TDRD7: variants seen among roughly 807,000 people sequenced by gnomAD.
The protein encoded by TDRD7 is tudor domain-containing protein 7.
TDRD7 carries 47 observed loss-of-function variants against 109.8 expected under a neutral mutation model. The ratio of observed to expected loss-of-function variants is 0.43; its 90% CI spans 0.34 to 0.55. The LOEUF is 0.55. Among genes scored for constraint, TDRD7 ranks in the 20% least tolerant of loss-of-function variants. The probability of loss-of-function intolerance (pLI) is 0.03; values close to 1 mark genes in which losing one functional copy is unlikely to be tolerated. For synonymous variants in TDRD7, 424 were observed against 457.3 expected (o/e 0.93, Z 0.93); for missense variants, 1,164 against 1,319.2 (o/e 0.88, Z 1.82).
chr9:97,466,546 G>A (rs1828824905), intron 8 of TDRD7, among the ~76,000 whole-genome samples: 1 of 152,178 alleles, frequency 6.6e-6, no homozygotes, highest in Non-Finnish European at 1.5e-5. Context: ...CAGCCCAAAT[G>A]TTCACCAACA....
chr9:97,451,243 T>A (rs1828485262), intron 6 of TDRD7, among the ~76,000 whole-genome samples: 1 of 152,102 alleles, frequency 6.6e-6, no homozygotes, highest in Non-Finnish European at 1.5e-5. Context: ...TTCATTGGTA[T>A]TTTTTTGTAA....
At chr9:97,423,208 A>T (rs1273507532) in intron 1 of TDRD7, among the ~76,000 whole-genome samples, 1 of 152,184 alleles carries the variant, frequency 6.6e-6, no homozygotes, top group Non-Finnish European at 1.5e-5. Flanking sequence ...TCTAATAGCT[A>T]TAGGGATATT....
rs146605951 is a variant in TDRD7 at position 97,441,845 on chromosome 9, A to G, written c.825A>G (p.Gln275=). Residue 275 remains glutamine (Q), a synonymous_variant, in exon 6 of 17, where the codon CAA becomes CAG. Transcript: ENST00000355295. ...AAGACCTTAATCAAGGAATTTTACA[A>G]CAGTTTGAACACTGGCCTCATATTT... ...YKEDLNQGIL[Q]QFEHWPHICT... The G allele has an allele frequency of 1.4e-5, 22 of 1,613,758 alleles. No homozygotes were observed. The Admixed American group carries it at 1.5e-4, about 11-fold the overall frequency.
intron 8 of TDRD7, among the ~76,000 whole-genome samples, chr9:97,465,555 A>G (rs952993934): frequency 3.3e-5 from 5 of 152,168 alleles, no homozygotes; most frequent in Admixed American, 1.3e-4. Context: ...ACATTCGTGG[A>G]TATCAGCCTC....
At chr9:97,416,964 A>G (rs1428882713) in intron 1 of TDRD7, among the ~76,000 whole-genome samples, 3 of 152,176 alleles carry the variant, frequency 2.0e-5, no homozygotes, top group Non-Finnish European at 4.4e-5. Context: ...TTGGATGGTG[A>G]TAAGTGCTAA....
chr9:97,428,631 G>T lies in TDRD7; in HGVS notation c.166G>T (p.Val56Leu). The change falls in exon 2 of 17, where the codon GTG (valine) becomes TTG (leucine). Residue 56 changes from valine (V) to leucine (L), a missense_variant. Physicochemically the swap from Val to Leu is conservative, Grantham distance 32 (BLOSUM62 1). Coordinates refer to ENST00000355295, the MANE Select transcript of TDRD7 (RefSeq NM_014290.3). ...TACACTAGAAGCCTATCTGAGAAGT[G>T]TGCCAGCAGTGGTCAGGATAGAGAC... is the stretch of plus-strand genomic sequence containing the variant. Reference protein sequence around the residue: ...FPTLEAYLRSVPAVVRIETSR... With the variant: ...FPTLEAYLRSLPAVVRIETSR... 6.2e-7 allele frequency: 1 copy of T among 1,613,936 alleles called. No individual in the cohort carries two copies. The highest frequency in any genetic ancestry group is 8.5e-7 in the Non-Finnish European group (1 of 1,179,930).
At chr9:97,464,341 T>G (rs1828786251) in intron 7 of TDRD7, among the ~76,000 whole-genome samples, 1 of 152,156 alleles carries the variant, frequency 6.6e-6, no homozygotes, top group South Asian at 2.1e-4. Flanking sequence ...TGGTGTGTGT[T>G]TTGTGCAGTC....
At chr9:97,444,344 A>T (rs550154728) in intron 6 of TDRD7, among the ~76,000 whole-genome samples, 5 of 152,216 alleles carry the variant, frequency 3.3e-5, no homozygotes, top group Non-Finnish European at 7.3e-5. Flanking sequence ...GAAAACACCA[A>T]TCATATTGAT....
chr9:97,423,938 G>A (rs1457051680), intron 1 of TDRD7, among the ~76,000 whole-genome samples: 1 of 151,804 alleles, frequency 6.6e-6, no homozygotes, highest in Non-Finnish European at 1.5e-5. Flanking sequence ...TTATTTTGGT[G>A]AACATCTCAT....
chr9:97,438,060 A>G (rs924489898), intron 4 of TDRD7, among the ~76,000 whole-genome samples: 1 of 152,026 alleles, frequency 6.6e-6, no homozygotes, highest in African/African-American at 2.4e-5. Context: ...CTTCTACTGG[A>G]GCCTTCGATG....
chr9:97,426,245 C>A (rs1827992305), intron 1 of TDRD7, among the ~76,000 whole-genome samples: 1 of 151,996 alleles, frequency 6.6e-6, no homozygotes, highest in South Asian at 2.1e-4. Flanking sequence ...TAAAAGTTTT[C>A]ATTTCTTTTA....
At chr9:97,420,403 A>G (rs1827880752) in intron 1 of TDRD7, among the ~76,000 whole-genome samples, 1 of 151,362 alleles carries the variant, frequency 6.6e-6, no homozygotes, top group Non-Finnish European at 1.5e-5. Flanking sequence ...GGTTAAAGAT[A>G]TGCTGTACAT....
chr9:97,436,606 C>T (rs1056484261), intron 4 of TDRD7, among the ~76,000 whole-genome samples: 2 of 152,106 alleles, frequency 1.3e-5, no homozygotes, highest in Admixed American at 1.3e-4. Context: ...TATGTGACTT[C>T]TGCTTTTAGG....
chr9:97,459,345 G>A (rs1828669956), intron 6 of TDRD7, among the ~76,000 whole-genome samples: 1 of 152,070 alleles, frequency 6.6e-6, no homozygotes, highest in Non-Finnish European at 1.5e-5. Flanking sequence ...TAATTCTTTT[G>A]ATTTTTTTTC....
intron 16 of TDRD7, among the ~76,000 whole-genome samples, chr9:97,490,291 G>GT (rs1829280264): frequency 6.6e-6 from 1 of 152,110 alleles, no homozygotes; most frequent in African/African-American, 2.4e-5. Context: ...CTGAGAGTCT[G>GT]TATTTCTCCT....
At chr9:97,457,277 C>T (rs1327752774) in intron 6 of TDRD7, among the ~76,000 whole-genome samples, 2 of 152,030 alleles carry the variant, frequency 1.3e-5, no homozygotes, top group Admixed American at 1.3e-4. Context: ...CCTCAAGGAT[C>T]TAGAATCAGA....
chr9:97,447,742 A>G (rs777342211), intron 6 of TDRD7, among the ~76,000 whole-genome samples: 1 of 151,628 alleles, frequency 6.6e-6, no homozygotes, highest in Non-Finnish European at 1.5e-5. Context: ...AGGAATAATG[A>G]GAGCAAGGAA....
chr9:97,440,690 T>A (rs1828287613), intron 5 of TDRD7, among the ~76,000 whole-genome samples: 1 of 152,128 alleles, frequency 6.6e-6, no homozygotes, highest in Non-Finnish European at 1.5e-5. Context: ...AGAGGCAGCA[T>A]CCCCAAATCA....
chr9:97,426,833 G>A (rs1828004650), intron 1 of TDRD7, among the ~76,000 whole-genome samples: 1 of 152,138 alleles, frequency 6.6e-6, no homozygotes, highest in African/African-American at 2.4e-5. Flanking sequence ...CTGATATTTT[G>A]TTTTCTTTTT....
Sources: allele counts gnomAD v4.1 joint callset (sites outside exome capture counted in the v4.1 genomes callset), GRCh38; gene constraint gnomAD v4.1.1; transcripts MANE v1.5; gene names NCBI Gene and HGNC (gene_info 2026-07-23, HGNC 2026-07-21).